Variants in NUP210 observed in about 807,000 individuals in gnomAD.
NUP210 encodes nuclear pore membrane glycoprotein 210.
A neutral mutation model predicts 196.0 loss-of-function variants in NUP210; 151 were observed. The ratio of observed to expected loss-of-function variants is 0.77; its 90% CI spans 0.67 to 0.88. The LOEUF (loss-of-function observed/expected upper bound fraction) is 0.88. Ranked by LOEUF, NUP210 falls within the 40% of genes least tolerant of loss-of-function variation. The probability of loss-of-function intolerance (pLI) is 0.00; values close to 1 mark genes in which losing one functional copy is unlikely to be tolerated. For missense variants in NUP210, 2,314 were observed against 2,493.7 expected, an observed-to-expected ratio of 0.93 and a Z score of 1.53; for synonymous variants, 1,070 against 1,052.7, an observed-to-expected ratio of 1.02 and a Z score of -0.32.
intron 13 of NUP210, among the ~76,000 whole-genome samples, chr3:13,366,469 G>A (rs1305817341): frequency 6.6e-6 from 1 of 151,688 alleles, no homozygotes; most frequent in Non-Finnish European, 1.5e-5. Flanking sequence ...CAACAGGCTG[G>A]GGGCCCCCTC....
intron 6 of NUP210, among the ~76,000 whole-genome samples, chr3:13,383,720 G>A (rs1486407695): frequency 1.3e-5 from 2 of 151,826 alleles, no homozygotes; most frequent in East Asian, 3.9e-4. Context: ...GTAGAGACAG[G>A]GTTTCACCAT....
At position 13,328,918 on chromosome 3, in the gene NUP210, GA is replaced by G; in HGVS notation, c.4138del (p.Ser1380ProfsTer2). The stretch of plus-strand genomic sequence containing the variant: ...CTGGGTGTGCAGGACAGGGCTCATG[GA>G]AACCCTCAGGTAGGAAACAGGGGAT... ...KVSPVSYLRV[S>X]MSPVLHTQNK... On this transcript the variant is annotated frameshift_variant, in exon 31 of 40. Coordinates refer to ENST00000254508, the MANE Select transcript of NUP210 (RefSeq NM_024923.4). LOFTEE classifies it high-confidence loss of function. 6.2e-7 allele frequency: 1 copy of G among 1,614,032 alleles called. No homozygotes were observed. The highest frequency in any genetic ancestry group is 8.5e-7 in the Non-Finnish European group (1 of 1,179,972).
chr3:13,351,639 A>G (rs1408693192), intron 20 of NUP210: 2 of 459,162 alleles, frequency 4.4e-6, no homozygotes, highest in Non-Finnish European at 7.9e-6. Context: ...GGCCTGTGCT[A>G]CCATGCCCAG....
At chr3:13,326,847 C>T (rs1434358677) in intron 32 of NUP210, among the ~76,000 whole-genome samples, 5 of 152,232 alleles carry the variant, frequency 3.3e-5, no homozygotes, top group Admixed American at 6.5e-5. Flanking sequence ...ACCCCCCCAC[C>T]GACTTGGCAG....
rs140958728 is a variant in NUP210, at chr3:13,410,315, G to A, written c.167+9745C>T. Among the ~76,000 whole-genome samples the A allele has an allele frequency of 2.8e-3, 421 of 152,090 alleles. 3 individuals are homozygous for A. The highest frequency in any genetic ancestry group is 9.9e-3 in the African/African-American group (412 of 41,504). ...CCTGCCTCAGCCTCCCGAGGAGCTAGGAAAAGGCATGTAGCACCATACCCA... is the reference window on the plus strand; with the variant it reads ...CCTGCCTCAGCCTCCCGAGGAGCTAAGAAAAGGCATGTAGCACCATACCCA... On this transcript the variant is annotated intron_variant, in intron 1 of 39. Transcript: ENST00000254508.
chr3:13,335,056 G>A (rs922895573), intron 28 of NUP210, among the ~76,000 whole-genome samples: 2 of 152,184 alleles, frequency 1.3e-5, no homozygotes, highest in Non-Finnish European at 2.9e-5. Context: ...TGAAAAACGT[G>A]CAAGGGCGCC....
chr3:13,329,556 T>C (rs190524468), intron 30 of NUP210, among the ~76,000 whole-genome samples: 24 of 152,378 alleles, frequency 1.6e-4, no homozygotes, highest in Admixed American at 1.4e-3. Context: ...TACATATTTG[T>C]TGAAATAGGA....
chr3:13,318,624 A>G (rs1309947989), intron 39 of NUP210, among the ~76,000 whole-genome samples: 1 of 152,218 alleles, frequency 6.6e-6, no homozygotes, highest in Non-Finnish European at 1.5e-5. Context: ...GGAGCTGTGC[A>G]GGGTCACCAG....
At chr3:13,413,612 C>G (rs541358978) in intron 1 of NUP210, among the ~76,000 whole-genome samples, 229 of 152,308 alleles carry the variant, frequency 1.5e-3, no homozygotes, top group Middle Eastern at 3.4e-3. Context: ...AGACTCTAGG[C>G]GTCTGCCTGT....
chr3:13,337,255 T>C (rs544207751), intron 26 of NUP210, among the ~76,000 whole-genome samples: 4 of 152,290 alleles, frequency 2.6e-5, no homozygotes, highest in East Asian at 1.9e-4. Flanking sequence ...CGGGCCCCTC[T>C]CTCCTAATCT....
chr3:13,404,471 T>C (rs1318229807), intron 1 of NUP210, among the ~76,000 whole-genome samples: 1 of 152,250 alleles, frequency 6.6e-6, no homozygotes, highest in Non-Finnish European at 1.5e-5. Flanking sequence ...ATTCATTACA[T>C]TATTATTTCT....
At chr3:13,337,979 A>C in intron 25 of NUP210, 62 bp from the exon 26 acceptor site, 1 of 1,496,450 alleles carries the variant, frequency 6.7e-7, no homozygotes, top group Non-Finnish European at 9.2e-7. Flanking sequence ...TGTTTCAGGA[A>C]GGGACCCCTC....
chr3:13,366,168 G>A (rs1698528663), intron 13 of NUP210, 77 bp from the exon 14 acceptor site: 1 of 1,434,070 alleles, frequency 7.0e-7, no homozygotes, highest in Non-Finnish European at 9.5e-7. Flanking sequence ...TCGCTGTGTT[G>A]CCCAGGCTGG....
rs539610168 is a variant in NUP210 at position 13,377,339 on chromosome 3, C to T, written c.1152+117G>A. The T allele has an allele frequency of 5.3e-4, 383 of 717,766 alleles. 6 individuals carry two copies. In the South Asian group the frequency reaches 6.0e-3, roughly 11 times the overall value. The allele number at this position is 717,766 out of a possible 1,614,324, so 44.5% of individuals were successfully genotyped here. The stretch of plus-strand genomic sequence containing the variant: ...CCCGGGAGCGCCACTAGAAACAGGA[C>T]CCCTCCTCGGTCAGCCTGCATGGGG... On this transcript the variant is annotated intron_variant, in intron 9 of 39. Transcript: ENST00000254508.
At position 13,350,987 on chromosome 3, in the gene NUP210, C is replaced by T. The variant is rs926887501; in HGVS notation, c.2835+892G>A. 4.6e-5 allele frequency among the ~76,000 whole-genome samples: 7 copies of T among 152,036 alleles called. No individual in the cohort carries two copies. Among genetic ancestry groups the T allele is most frequent in the East Asian group, 1.9e-4 (1 of 5,192 alleles). ...TGCTGGGATTACAGGCATGAGCCAC[C>T]GCACCCGGCCAGAAATTCTTAAATT... On this transcript the variant is annotated intron_variant, in intron 20 of 39. Coordinates refer to ENST00000254508, the MANE Select transcript of NUP210 (RefSeq NM_024923.4). The surrounding 1 kb of genome is among the most constrained non-coding windows in gnomAD (Gnocchi z 4.1).
In NUP210 at chr3:13,373,791, G is replaced by A; in HGVS notation, c.1514C>T (p.Thr505Ile). ...CACACTGAACCCGATGTCACTGCCTGTGGTCATCACGCCCTTGACAGTAAC... is the reference window on the plus strand; with the variant it reads ...CACACTGAACCCGATGTCACTGCCTATGGTCATCACGCCCTTGACAGTAAC... The part of the protein sequence containing the change: ...ATVTVKGVMT[T>I]GSDIGFSVIQ... The change falls in exon 12 of 40, where the codon ACA becomes ATA. Residue 505 changes from threonine to isoleucine, a missense_variant. Thr to Ile is a moderately conservative substitution (Grantham distance 89). Transcript: ENST00000254508. 3 of 1,614,142 alleles carry A rather than the reference G, an allele frequency of 1.9e-6. No individual in the cohort carries two copies. The East Asian group carries it at 6.7e-5, about 36-fold the overall frequency.
intron 15 of NUP210, among the ~76,000 whole-genome samples, chr3:13,359,078 G>T (rs1698283402): frequency 6.6e-6 from 1 of 152,166 alleles, no homozygotes; most frequent in South Asian, 2.1e-4. Context: ...CAGATAACAT[G>T]CACTTGATGG....
Position 13,330,512 on chromosome 3 carries a change from A to T in NUP210, c.4058T>A (p.Val1353Glu), listed in dbSNP as rs1437879843. 6.2e-7 allele frequency: 1 copy of T among 1,614,192 alleles called. No individual in the cohort carries two copies. The highest frequency in any genetic ancestry group is 1.7e-5 in the Admixed American group (1 of 60,022). Residue 1353 changes from valine (V) to glutamate (E), a missense_variant, in exon 30 of 40, where the codon GTG becomes GAG. Val to Glu is a moderately radical substitution (Grantham distance 121). Transcript: ENST00000254508. Reference protein sequence around the residue: ...GSMIGTSTIEVIAQEPFGANQ... With the variant: ...GSMIGTSTIEEIAQEPFGANQ... ...GGCCCCAAAGGGCTCTTGTGCAATCACTTCGATGGTGGATGTCCCGATCAT... is the reference window on the plus strand; with the variant it reads ...GGCCCCAAAGGGCTCTTGTGCAATCTCTTCGATGGTGGATGTCCCGATCAT...
At chr3:13,381,151 G>A (rs74614007) in intron 6 of NUP210, among the ~76,000 whole-genome samples, 50 of 152,366 alleles carry the variant, frequency 3.3e-4, no homozygotes, top group African/African-American at 1.2e-3. Context: ...ATGGAGCAGT[G>A]CATCAAAGAT....
Sources: gnomAD v4.1 joint callset for allele counts (sites outside exome capture counted in the v4.1 genomes callset) on GRCh38, gnomAD v4.1.1 for gene constraint, Gnocchi (gnomAD v3.1) non-coding constraint, MANE v1.5 for transcripts, NCBI Gene and HGNC (gene_info 2026-07-23, HGNC 2026-07-21) for gene names.